DACH1: variants seen among roughly 807,000 people sequenced by gnomAD.
DACH1 encodes dachshund homolog 1.
DACH1 carries 12 observed loss-of-function variants against 54.2 expected under a neutral mutation model. That is an observed-to-expected ratio of 0.22 (90% CI 0.14 to 0.36). The LOEUF (loss-of-function observed/expected upper bound fraction) is 0.36. Among genes scored for constraint, DACH1 ranks in the 10% least tolerant of loss-of-function variants. The pLI is 1.00. For synonymous variants in DACH1, 386 were observed against 366.2 expected (o/e 1.05, Z -0.62); for missense variants, 805 against 929.8 (o/e 0.87, Z 1.75).
rs1467121463 is a variant in DACH1, at chr13:71,453,210, C to T, written c.2084-12518G>A. 2.0e-5 allele frequency among the ~76,000 whole-genome samples: 3 copies of T among 152,126 alleles called. No individual in the cohort carries two copies. The East Asian group carries it at 5.8e-4, about 29-fold the overall frequency. Reference sequence around the variant, plus strand: ...CAAAGAAATCTCTTATTACTTTCTCCATTCTTCTATTCCTTTCTGAGGGAA... The same window carrying T: ...CAAAGAAATCTCTTATTACTTTCTCTATTCTTCTATTCCTTTCTGAGGGAA... On this transcript the variant is annotated intron_variant, in intron 10 of 10. Coordinates refer to ENST00000613252, the MANE Select transcript of DACH1 (RefSeq NM_080759.6).
intron 3 of DACH1, among the ~76,000 whole-genome samples, chr13:71,579,319 T>C (rs1885721246): frequency 6.6e-6 from 1 of 152,140 alleles, no homozygotes; most frequent in African/African-American, 2.4e-5. Context: ...GTGCTGAAAG[T>C]AACAATAAGT....
chr13:71,748,320 T>C (rs1884698580), intron 1 of DACH1, among the ~76,000 whole-genome samples: 1 of 152,128 alleles, frequency 6.6e-6, no homozygotes, highest in East Asian at 1.9e-4. Context: ...TTTGAGACCA[T>C]ACACTTCAGT....
intron 2 of DACH1, among the ~76,000 whole-genome samples, chr13:71,638,592 G>A (rs1877670465): frequency 6.6e-6 from 1 of 152,072 alleles, no homozygotes. Flanking sequence ...GTTCAGAAGA[G>A]TGTATTTTTA....
At chr13:71,656,401 T>A (rs79612802) in intron 2 of DACH1, among the ~76,000 whole-genome samples, 7 of 152,160 alleles carry the variant, frequency 4.6e-5, no homozygotes, top group Non-Finnish European at 8.8e-5. Context: ...GAATAGGGCA[T>A]CTGGTCAAAC....
intron 3 of DACH1, among the ~76,000 whole-genome samples, chr13:71,620,715 G>C (rs976132333): frequency 2.6e-5 from 4 of 151,784 alleles, no homozygotes; most frequent in African/African-American, 7.3e-5. Flanking sequence ...TATGCTTTCT[G>C]AAAAAAATCT....
At chr13:71,765,206 A>G (rs1018495887) in intron 1 of DACH1, among the ~76,000 whole-genome samples, 3 of 152,114 alleles carry the variant, frequency 2.0e-5, no homozygotes, top group Admixed American at 2.0e-4. Context: ...TGCACCATCC[A>G]TCAAGTCATA....
intron 2 of DACH1, among the ~76,000 whole-genome samples, chr13:71,651,682 G>GTATATA (rs1335404231): frequency 3.0e-5 from 1 of 33,328 alleles, no homozygotes; most frequent in Non-Finnish European, 9.7e-5. Context: ...ATCTGTATCT[G>GTATATA]TATATGTATA....
At chr13:71,779,353 G>T (rs1338043406) in intron 1 of DACH1, among the ~76,000 whole-genome samples, 2 of 149,612 alleles carry the variant, frequency 1.3e-5, no homozygotes, top group Non-Finnish European at 3.0e-5. Flanking sequence ...AACGTTTTAA[G>T]AGTTTGATTT....
intron 4 of DACH1, 90 bp from the exon 5 acceptor site, chr13:71,560,045 A>G: frequency 7.6e-7 from 1 of 1,324,278 alleles, no homozygotes; most frequent in Non-Finnish European, 1.0e-6. Flanking sequence ...TCAATACAAT[A>G]AGAAATGTAA....
At chr13:71,489,411 C>A (rs1216747624) in intron 6 of DACH1, among the ~76,000 whole-genome samples, 2 of 152,226 alleles carry the variant, frequency 1.3e-5, no homozygotes, top group East Asian at 3.9e-4. Flanking sequence ...CTTTTTAAAA[C>A]AAATATTATC....
At chr13:71,498,888 A>C (rs540738322) in intron 6 of DACH1, among the ~76,000 whole-genome samples, 1 of 152,220 alleles carries the variant, frequency 6.6e-6, no homozygotes, top group East Asian at 1.9e-4. Context: ...TGTATTTCAA[A>C]AATTTCTGTA....
chr13:71,581,037 C>CT (rs11409245), intron 3 of DACH1, among the ~76,000 whole-genome samples: 15,796 of 141,784 alleles, frequency 0.11, 1,743 homozygotes, highest in African/African-American at 0.29. Context: ...AAGCCTGTGT[C>CT]TTTTTTTTTT....
intron 6 of DACH1, among the ~76,000 whole-genome samples, chr13:71,552,865 A>G (rs1245721357): frequency 7.6e-6 from 1 of 131,172 alleles, no homozygotes; most frequent in African/African-American, 2.9e-5. Context: ...AGAGAGAGAG[A>G]GAGAGAGAGA....
chr13:71,816,689 C>A (rs1352687450), intron 1 of DACH1, among the ~76,000 whole-genome samples: 3 of 142,604 alleles, frequency 2.1e-5, no homozygotes, highest in Non-Finnish European at 3.1e-5. Context: ...TATATATATA[C>A]ACATATATAT....
chr13:71,793,050 G>C (rs775304739), intron 1 of DACH1, among the ~76,000 whole-genome samples: 21 of 152,040 alleles, frequency 1.4e-4, no homozygotes, highest in Non-Finnish European at 2.2e-4. Flanking sequence ...CTTCTTCAAT[G>C]GGAGAAGTAT....
intron 2 of DACH1, among the ~76,000 whole-genome samples, chr13:71,646,332 C>T (rs1201418006): frequency 2.0e-5 from 3 of 148,540 alleles, no homozygotes; most frequent in Admixed American, 6.7e-5. Context: ...AGCAAAACTC[C>T]GTCTCAAAAA....
chr13:71,836,120 A>C (rs1888773299), intron 1 of DACH1, among the ~76,000 whole-genome samples: 1 of 151,970 alleles, frequency 6.6e-6, no homozygotes, highest in Non-Finnish European at 1.5e-5. Flanking sequence ...CCTAATAATA[A>C]ATCTAGCCAA....
At chr13:71,666,155 A>G (rs1879820424) in intron 2 of DACH1, among the ~76,000 whole-genome samples, 2 of 152,150 alleles carry the variant, frequency 1.3e-5, no homozygotes, top group South Asian at 4.1e-4. Context: ...CATAGACATA[A>G]ATATTGATTG....
rs34856567 is a variant in DACH1 at position 71,738,731 on chromosome 13, CAAAAAAAAAAAAA to C, written c.849-56834_849-56822del. ...TGGGCAACAGAGCGAGACTCTGTCT[CAAAAAAAAAAAAA>C]AAAAAAAAAAAAAAAAAGACAGAAA... is the stretch of plus-strand genomic sequence containing the variant. On this transcript the variant is annotated intron_variant, in intron 1 of 10. Transcript: ENST00000613252. Among the ~76,000 whole-genome samples, 66 of 24,062 alleles carry C rather than the reference CAAAAAAAAAAAAA, an allele frequency of 2.7e-3. 1 individual carries two copies. The highest frequency in any genetic ancestry group is 0.083 in the Middle Eastern group (1 of 12). The allele number at this position is 24,062 out of a possible 152,430, so 15.8% of individuals were successfully genotyped here. A position where few individuals can be genotyped will look rare whatever the true frequency, so the allele number is the denominator to read the frequency against.
Sources: gnomAD v4.1 joint callset for allele counts (sites outside exome capture counted in the v4.1 genomes callset) on GRCh38, gnomAD v4.1.1 for gene constraint, MANE v1.5 for transcripts, NCBI Gene and HGNC (gene_info 2026-07-23, HGNC 2026-07-21) for gene names.